Variants in SCN10A observed in about 807,000 individuals in gnomAD.
SCN10A encodes sodium channel protein type 10 subunit alpha.
A neutral mutation model predicts 170.7 loss-of-function variants in SCN10A; 162 were observed. That is an observed-to-expected ratio of 0.95 (90% CI 0.84 to 1.08). The LOEUF is 1.08. Among genes scored for constraint, SCN10A ranks in the 50% least tolerant of loss-of-function variants. SCN10A has a pLI of 0.00. For synonymous variants in SCN10A, 985 were observed against 904.6 expected (o/e 1.09, Z -1.59); for missense variants, 2,527 against 2,436.9 (o/e 1.04, Z -0.78).
intron 13 of SCN10A, among the ~76,000 whole-genome samples, chr3:38,748,469 T>C (rs954573212): frequency 7.2e-5 from 11 of 152,346 alleles, no homozygotes; most frequent in Admixed American, 7.2e-4. Flanking sequence ...GTTAAGTCAA[T>C]GTTGGGTACT....
intron 1 of SCN10A, among the ~76,000 whole-genome samples, chr3:38,810,279 A>G (rs942230703): frequency 6.6e-6 from 1 of 152,242 alleles, no homozygotes; most frequent in African/African-American, 2.4e-5. Context: ...CAAGGTTCTA[A>G]GCAAGAGCAC....
chr3:38,791,951 T>C (rs1443675624), intron 3 of SCN10A, 99 bp downstream of exon 3: 3 of 1,463,026 alleles, frequency 2.1e-6, no homozygotes, highest in East Asian at 2.3e-5. Flanking sequence ...TGGGATTCAA[T>C]TGGATAAGGG....
At chr3:38,791,120 C>T (rs1419324203) in intron 3 of SCN10A, among the ~76,000 whole-genome samples, 2 of 152,096 alleles carry the variant, frequency 1.3e-5, no homozygotes, top group African/African-American at 4.8e-5. Context: ...TTACTGAAGC[C>T]TTCTAAGAAA....
In SCN10A at chr3:38,751,417, T is replaced by C. The variant is rs542438681; in HGVS notation, c.1755+802A>G. On this transcript the variant is annotated intron_variant, in intron 12 of 27. Coordinates refer to ENST00000449082, the MANE Select transcript of SCN10A (RefSeq NM_006514.4). ...TTAGCCCATCGGAGTGGTCCATCTGTTTCTTGCTGGGACCCTGAATCACAT... is the reference window on the plus strand; with the variant it reads ...TTAGCCCATCGGAGTGGTCCATCTGCTTCTTGCTGGGACCCTGAATCACAT... 7.9e-5 allele frequency among the ~76,000 whole-genome samples: 12 copies of C among 152,330 alleles called. No individual in the cohort carries two copies. In the South Asian group the frequency reaches 2.5e-3, roughly 32 times the overall value.
At chr3:38,736,866 G>A (rs2063566362) in intron 15 of SCN10A, among the ~76,000 whole-genome samples, 1 of 151,044 alleles carries the variant, frequency 6.6e-6, no homozygotes, top group Non-Finnish European at 1.5e-5. Flanking sequence ...GCCTATTTTT[G>A]GTTGTTTGGG....
chr3:38,760,799 CCAA>C (rs1363670737), intron 7 of SCN10A, 52 bp from the exon 8 acceptor site: 1 of 1,457,740 alleles, frequency 6.9e-7, no homozygotes. Context: ...ACCCTCCAAC[CCAA>C]GCCTTGTGTG....
At chr3:38,788,498 G>T (rs766468653) in intron 4 of SCN10A, among the ~76,000 whole-genome samples, 1 of 151,958 alleles carries the variant, frequency 6.6e-6, no homozygotes, top group African/African-American at 2.4e-5. Context: ...AGAGCCATTT[G>T]TTCTTAGTTC....
intron 26 of SCN10A, among the ~76,000 whole-genome samples, chr3:38,706,681 G>A (rs1449395800): frequency 2.0e-5 from 3 of 152,138 alleles, no homozygotes; most frequent in East Asian, 1.9e-4. Context: ...ATGGAGGAAC[G>A]CAAAGCCATG....
At chr3:38,711,505 G>A (rs2125989247) in intron 23 of SCN10A, among the ~76,000 whole-genome samples, 1 of 152,322 alleles carries the variant, frequency 6.6e-6, no homozygotes, top group East Asian at 1.9e-4. Flanking sequence ...TCCAAGCCCA[G>A]TTCTGACTGT....
At chr3:38,753,742 T>C (rs1002390892) in intron 11 of SCN10A, among the ~76,000 whole-genome samples, 1 of 152,184 alleles carries the variant, frequency 6.6e-6, no homozygotes, top group African/African-American at 2.4e-5. Context: ...ATGAAGAAAC[T>C]GAGAAGAAAA....
At chr3:38,802,414 G>A (rs1409891452) in intron 1 of SCN10A, among the ~76,000 whole-genome samples, 1 of 152,290 alleles carries the variant, frequency 6.6e-6, no homozygotes, top group South Asian at 2.1e-4. Context: ...TCTGACAGAA[G>A]TATAAAGTGA....
At chr3:38,797,435 C>T (rs568735235) in intron 1 of SCN10A, among the ~76,000 whole-genome samples, 25 of 152,272 alleles carry the variant, frequency 1.6e-4, no homozygotes, top group Admixed American at 6.5e-4. Flanking sequence ...TCTCCTCCTG[C>T]CTATTTGTAG....
chr3:38,781,983 A>G (rs1559462332), intron 4 of SCN10A, among the ~76,000 whole-genome samples: 1 of 152,056 alleles, frequency 6.6e-6, no homozygotes, highest in Non-Finnish European at 1.5e-5. Context: ...ATTATAATTA[A>G]AACCGTGTAA....
In SCN10A at chr3:38,744,203, G is replaced by A. The variant is rs2063662927; in HGVS notation, c.1868-1674C>T. 2.0e-5 allele frequency among the ~76,000 whole-genome samples: 3 copies of A among 152,172 alleles called. 1 individual carries two copies. The highest frequency in any genetic ancestry group is 2.0e-4 in the Admixed American group (3 of 15,268). ...ATATATGCATAGAACATTGCTTGAA[G>A]AATATAAGATAAACTGGAGTGGGAG... On this transcript the variant is annotated intron_variant, in intron 13 of 27. Transcript: ENST00000449082.
At chr3:38,711,348 G>C (rs765295464) in intron 23 of SCN10A, among the ~76,000 whole-genome samples, 6 of 152,186 alleles carry the variant, frequency 3.9e-5, no homozygotes, top group Non-Finnish European at 8.8e-5. Flanking sequence ...TTCAGCTTTA[G>C]CATTCTTGAG....
At chr3:38,717,943 A>G (rs539944659) in intron 21 of SCN10A, among the ~76,000 whole-genome samples, 2 of 152,352 alleles carry the variant, frequency 1.3e-5, no homozygotes, top group East Asian at 1.9e-4. Context: ...CTGATGTGTG[A>G]GAAGCACACA....
intron 4 of SCN10A, among the ~76,000 whole-genome samples, chr3:38,772,741 A>C (rs1334918826): frequency 2.3e-4 from 32 of 138,870 alleles, no homozygotes; most frequent in Admixed American, 1.1e-3. Flanking sequence ...AAAAACAAAA[A>C]AAAAAAAACC....
intron 4 of SCN10A, among the ~76,000 whole-genome samples, chr3:38,778,223 T>C (rs560139002): frequency 6.6e-6 from 1 of 152,166 alleles, no homozygotes; most frequent in African/African-American, 2.4e-5. Context: ...AACATTTATC[T>C]TCTCTACAAC....
Position 38,704,397 on chromosome 3 carries a change from G to A in SCN10A, c.4387-2288C>T, listed in dbSNP as rs1364350022. 6.6e-5 allele frequency among the ~76,000 whole-genome samples: 10 copies of A among 152,348 alleles called. No homozygotes were observed. The South Asian group carries it at 1.2e-3, about 19-fold the overall frequency. On this transcript the variant is annotated intron_variant, in intron 26 of 27. Coordinates refer to ENST00000449082, the MANE Select transcript of SCN10A (RefSeq NM_006514.4). ...TGGTCACATGACTTCTAATTAAACA[G>A]AGCAGGCAACGGCATCGTTAAGTGG...
Sources: allele counts gnomAD v4.1 joint callset (sites outside exome capture counted in the v4.1 genomes callset), GRCh38; gene constraint gnomAD v4.1.1; transcripts MANE v1.5; gene names NCBI Gene and HGNC (gene_info 2026-07-23, HGNC 2026-07-21).